Variants in DAB1 observed in about 807,000 individuals in gnomAD.
The protein encoded by DAB1 is DAB adaptor protein 1.
In DAB1, 15 loss-of-function variants were observed where a neutral mutation model predicts 64.6. That is an observed-to-expected ratio of 0.23 (90% CI 0.16 to 0.36). DAB1 has a LOEUF of 0.36. Among genes scored for constraint, DAB1 ranks in the 10% least tolerant of loss-of-function variants. DAB1 has a pLI of 1.00. For missense variants in DAB1, 596 were observed against 706.7 expected, an observed-to-expected ratio of 0.84 and a Z score of 1.78; for synonymous variants, 235 against 251.9, an observed-to-expected ratio of 0.93 and a Z score of 0.64.
intron 5 of DAB1, among the ~76,000 whole-genome samples, chr1:58,143,855 G>T (rs537062410): frequency 5.9e-5 from 9 of 152,132 alleles, no homozygotes; most frequent in African/African-American, 2.2e-4. Context: ...TGTTTTTCTC[G>T]CCCTGACAGT....
At chr1:57,701,656 C>T (rs1405000353) in intron 6 of DAB1, among the ~76,000 whole-genome samples, 1 of 151,616 alleles carries the variant, frequency 6.6e-6, no homozygotes, top group African/African-American at 2.4e-5. Flanking sequence ...AACAAACCTG[C>T]ATGTTGTGCA....
chr1:57,454,142 A>T (rs1686493526), intron 7 of DAB1, among the ~76,000 whole-genome samples: 1 of 152,154 alleles, frequency 6.6e-6, no homozygotes, highest in African/African-American at 2.4e-5. Flanking sequence ...TGCTCAGATG[A>T]CTTATAGTGA....
intron 4 of DAB1, among the ~76,000 whole-genome samples, chr1:58,248,640 G>C (rs1466467334): frequency 6.6e-6 from 1 of 152,168 alleles, no homozygotes; most frequent in Non-Finnish European, 1.5e-5. Context: ...CATCGTGCAG[G>C]TATGAAATCC....
chr1:58,355,272 G>A (rs1297954084), intron 3 of DAB1, among the ~76,000 whole-genome samples: 1 of 152,138 alleles, frequency 6.6e-6, no homozygotes, highest in Non-Finnish European at 1.5e-5. Context: ...TCTGTAAAGT[G>A]GCACAGCTTT....
At chr1:58,544,211 G>A (rs1453362998) in intron 1 of DAB1, among the ~76,000 whole-genome samples, 2 of 152,078 alleles carry the variant, frequency 1.3e-5, no homozygotes, top group African/African-American at 2.4e-5. Flanking sequence ...AAATTTTAAC[G>A]ACCTTAACCA....
intron 3 of DAB1, among the ~76,000 whole-genome samples, chr1:58,360,614 A>G (rs925739998): frequency 6.6e-6 from 1 of 152,058 alleles, no homozygotes; most frequent in Non-Finnish European, 1.5e-5. Context: ...GGCAGAAAAA[A>G]TAAGATTTTG....
At chr1:58,180,276 CTTTTCTTTTTTT>C (rs1656708984) in intron 4 of DAB1, among the ~76,000 whole-genome samples, 2 of 53,144 alleles carry the variant, frequency 3.8e-5, no homozygotes, top group Non-Finnish European at 7.2e-5. Context: ...TCTTTTTTTT[CTTTTCTTTTTTT>C]TTTTTTTTTT....
chr1:58,064,678 A>C (rs1308838725), intron 5 of DAB1, among the ~76,000 whole-genome samples: 2 of 150,670 alleles, frequency 1.3e-5, no homozygotes, highest in Admixed American at 6.6e-5. Flanking sequence ...ACCATAGATA[A>C]ATTTTTTTAT....
At chr1:57,744,644 T>G (rs541657955) in intron 6 of DAB1, among the ~76,000 whole-genome samples, 1 of 152,174 alleles carries the variant, frequency 6.6e-6, no homozygotes, top group Non-Finnish European at 1.5e-5. Context: ...CTTTTGTTCC[T>G]CGGCATCTTG....
chr1:58,218,804 G>C (rs1426117552), intron 4 of DAB1, among the ~76,000 whole-genome samples: 1 of 152,180 alleles, frequency 6.6e-6, no homozygotes, highest in African/African-American at 2.4e-5. Context: ...CTCACAGAGA[G>C]AAAAGTCCAT....
intron 4 of DAB1, among the ~76,000 whole-genome samples, chr1:57,094,188 T>A (rs1033108410): frequency 6.6e-6 from 1 of 152,002 alleles, no homozygotes; most frequent in African/African-American, 2.4e-5. Flanking sequence ...GTTAACTGAA[T>A]GTGGTTTCTC....
At chr1:57,232,284 C>CTTTTTTTTTT (rs74940041) in intron 2 of DAB1, among the ~76,000 whole-genome samples, 6 of 81,730 alleles carry the variant, frequency 7.3e-5, no homozygotes, top group African/African-American at 2.3e-4. Context: ...GCAGTGGCCA[C>CTTTTTTTTTT]TTTTTTTTTT....
intron 4 of DAB1, among the ~76,000 whole-genome samples, chr1:58,181,890 T>G (rs897332901): frequency 3.3e-5 from 5 of 152,038 alleles, no homozygotes; most frequent in Non-Finnish European, 5.9e-5. Context: ...AACTTACAAG[T>G]GCTCTTTATT....
intron 5 of DAB1, among the ~76,000 whole-genome samples, chr1:57,953,603 GCCC>G (rs989152875): frequency 6.6e-6 from 1 of 152,094 alleles, no homozygotes; most frequent in African/African-American, 2.4e-5. Flanking sequence ...TCCTCCGTTT[GCCC>G]TTCCAGATTG....
At chr1:57,615,059 A>G (rs1334995502) in intron 7 of DAB1, among the ~76,000 whole-genome samples, 1 of 151,598 alleles carries the variant, frequency 6.6e-6, no homozygotes, top group Non-Finnish European at 1.5e-5. Flanking sequence ...TTTAGTAGAG[A>G]CAGGGTTTCA....
At chr1:58,307,387 C>T (rs1662331816) in intron 4 of DAB1, among the ~76,000 whole-genome samples, 1 of 151,940 alleles carries the variant, frequency 6.6e-6, no homozygotes, top group African/African-American at 2.4e-5. Context: ...TGAGAGAGGT[C>T]GACAGACATA....
intron 2 of DAB1, among the ~76,000 whole-genome samples, chr1:58,526,601 CAAA>C (rs10574530): frequency 7.3e-4 from 89 of 121,362 alleles, no homozygotes; most frequent in Middle Eastern, 4.3e-3. Context: ...CTATGGCTAG[CAAA>C]AAAAAAAAAA....
intron 7 of DAB1, among the ~76,000 whole-genome samples, chr1:57,445,541 G>A (rs1686108481): frequency 1.3e-5 from 2 of 152,148 alleles, no homozygotes; most frequent in Non-Finnish European, 2.9e-5. Flanking sequence ...TAGTTAGTGT[G>A]TGTAGGTATG....
In DAB1 at chr1:58,258,816, T is replaced by C. The variant is rs147298314; in HGVS notation, n.309+84536A>G. On this transcript the variant is annotated intron_variant and non_coding_transcript_variant, in intron 4 of 20. Transcript: ENST00000485760. ...TGTTGAAGGGGGTCTATAGCAATGA[T>C]GATGCCATTGGGGATCTGGCCATCT... Among the ~76,000 whole-genome samples, 865 of 152,330 alleles carry C rather than the reference T, an allele frequency of 5.7e-3. 9 individuals are homozygous for C. The highest frequency in any genetic ancestry group is 0.02 in the African/African-American group (844 of 41,570).
Sources: gnomAD v4.1 joint callset for allele counts (sites outside exome capture counted in the v4.1 genomes callset) on GRCh38, gnomAD v4.1.1 for gene constraint, MANE v1.5 for transcripts, NCBI Gene and HGNC (gene_info 2026-07-23, HGNC 2026-07-21) for gene names.